Variants in DNM3 observed in about 807,000 individuals in gnomAD.
The protein encoded by DNM3 is dynamin-3.
In DNM3, 47 loss-of-function variants were observed where a neutral mutation model predicts 101.6. The observed-to-expected ratio is 0.46, with a 90% CI of 0.37 to 0.59. The LOEUF is 0.59. Ranked by LOEUF, DNM3 falls within the 20% of genes least tolerant of loss-of-function variation. The pLI is 0.00. For synonymous variants in DNM3, 385 were observed against 387.9 expected, an observed-to-expected ratio of 0.99 and a Z score of 0.09; for missense variants, 849 against 1,085.7, an observed-to-expected ratio of 0.78 and a Z score of 3.06.
chr1:171,889,141 G>A (rs56280004), intron 1 of DNM3, among the ~76,000 whole-genome samples: 3,382 of 151,936 alleles, frequency 0.022, 120 homozygotes, highest in African/African-American at 0.077. Context: ...CACCATGCCC[G>A]GCTAATTTTT....
chr1:171,858,944 A>G (rs2033895215), intron 1 of DNM3, among the ~76,000 whole-genome samples: 1 of 152,212 alleles, frequency 6.6e-6, no homozygotes, highest in Non-Finnish European at 1.5e-5. Flanking sequence ...CAATAGACTC[A>G]TAATACTTTC....
intron 13 of DNM3, among the ~76,000 whole-genome samples, chr1:172,127,845 T>G (rs555791714): frequency 6.6e-6 from 1 of 152,304 alleles, no homozygotes; most frequent in South Asian, 2.1e-4. Flanking sequence ...CTGTGACCTA[T>G]TCTGGTTTTA....
chr1:171,986,174 A>G (rs1276072837), intron 2 of DNM3, among the ~76,000 whole-genome samples: 1 of 151,926 alleles, frequency 6.6e-6, no homozygotes, highest in Non-Finnish European at 1.5e-5. Flanking sequence ...ACATGTAAAA[A>G]TCCTCCCTAC....
At chr1:172,057,902 G>A (rs199642770) in intron 10 of DNM3, among the ~76,000 whole-genome samples, 15,813 of 100,486 alleles carry the variant, frequency 0.16, 1,667 homozygotes, top group East Asian at 0.41. Context: ...AGACTGGCAA[G>A]TTGGATAAAG....
intron 4 of DNM3, among the ~76,000 whole-genome samples, chr1:172,030,248 C>G (rs570114098): frequency 7.2e-5 from 11 of 152,154 alleles, no homozygotes; most frequent in African/African-American, 2.6e-4. Flanking sequence ...TCAGAAATAA[C>G]GCCAGACATC....
chr1:172,233,780 C>T (rs983215441), intron 14 of DNM3, among the ~76,000 whole-genome samples: 11 of 151,840 alleles, frequency 7.2e-5, no homozygotes, highest in Middle Eastern at 3.2e-3. Context: ...ACAGAACCAA[C>T]GACAAAAACC....
chr1:172,025,456 G>A (rs1249343408), intron 4 of DNM3, among the ~76,000 whole-genome samples: 2 of 152,208 alleles, frequency 1.3e-5, no homozygotes, highest in Non-Finnish European at 2.9e-5. Context: ...GCTCTGCTAA[G>A]GGACAGAATG....
intron 2 of DNM3, among the ~76,000 whole-genome samples, chr1:171,934,774 A>G (rs1242280170): frequency 6.6e-6 from 1 of 152,176 alleles, no homozygotes; most frequent in Non-Finnish European, 1.5e-5. Context: ...CTTTGTCATA[A>G]CCCTAGAAAG....
intron 15 of DNM3, among the ~76,000 whole-genome samples, chr1:172,260,633 A>G (rs1156914979): frequency 6.6e-6 from 1 of 152,060 alleles, no homozygotes; most frequent in Non-Finnish European, 1.5e-5. Context: ...TATTTTGTAT[A>G]TTATTCAATG....
At chr1:172,245,871 A>G (rs1350481905) in intron 14 of DNM3, among the ~76,000 whole-genome samples, 2 of 152,140 alleles carry the variant, frequency 1.3e-5, no homozygotes, top group Non-Finnish European at 2.9e-5. Context: ...CCATTCTCAC[A>G]CTGCTATAAA....
At chr1:172,323,413 G>A (rs1222102209) in intron 17 of DNM3, 73 bp downstream of exon 17, 3 of 1,526,104 alleles carry the variant, frequency 2.0e-6, no homozygotes, top group South Asian at 1.2e-5. Context: ...CTTGACAAGA[G>A]TGTTCCTGTG....
intron 15 of DNM3, among the ~76,000 whole-genome samples, chr1:172,297,101 C>A (rs1219697175): frequency 6.7e-6 from 1 of 150,344 alleles, no homozygotes; most frequent in Admixed American, 6.6e-5. Flanking sequence ...CAAGATCATG[C>A]CACTGCACTC....
chr1:172,327,516 C>T (rs773346589), intron 17 of DNM3, among the ~76,000 whole-genome samples: 3 of 152,024 alleles, frequency 2.0e-5, no homozygotes, highest in Non-Finnish European at 4.4e-5. Context: ...TCTGATGATG[C>T]GTGTTATAAT....
chr1:172,071,019 G>A (rs1300588040), intron 11 of DNM3, among the ~76,000 whole-genome samples: 2 of 146,632 alleles, frequency 1.4e-5, no homozygotes, highest in Non-Finnish European at 3.0e-5. Flanking sequence ...GAGCCTGGGA[G>A]GTTGAGGCTG....
chr1:172,033,020 C>A (rs912014303), intron 5 of DNM3, 85 bp from the exon 6 acceptor site: 2 of 1,482,528 alleles, frequency 1.3e-6, no homozygotes, highest in African/African-American at 2.8e-5. Context: ...GCCTTTCTTA[C>A]TCTGCCTATG....
chr1:172,260,682 A>AT (rs1447235259), intron 15 of DNM3, among the ~76,000 whole-genome samples: 1 of 152,114 alleles, frequency 6.6e-6, no homozygotes, highest in Admixed American at 6.6e-5. Flanking sequence ...TTAAAAAATT[A>AT]TATCTCTTTG....
At position 172,301,874 on chromosome 1, in the gene DNM3, A is replaced by T. The variant is rs540117617; in HGVS notation, c.1770-6854A>T. Among the ~76,000 whole-genome samples the T allele has an allele frequency of 1.7e-4, 26 of 152,302 alleles. 1 individual carries two copies. The highest frequency in any genetic ancestry group is 3.4e-3 in the Middle Eastern group (1 of 294). ...AACCTCAACTATCTGAAAAATAGGTACAATGAAAGGGTATAAGAAAATAAG... is the reference window on the plus strand; with the variant it reads ...AACCTCAACTATCTGAAAAATAGGTTCAATGAAAGGGTATAAGAAAATAAG... On this transcript the variant is annotated intron_variant, in intron 15 of 20. Transcript: ENST00000627582.
chr1:172,234,810 A>G (rs2148623519), intron 14 of DNM3, among the ~76,000 whole-genome samples: 1 of 152,324 alleles, frequency 6.6e-6, no homozygotes, highest in South Asian at 2.1e-4. Flanking sequence ...TAGAAAGCTG[A>G]AACTGGATCC....
intron 13 of DNM3, among the ~76,000 whole-genome samples, chr1:172,093,133 A>G (rs1426295324): frequency 6.6e-6 from 1 of 152,140 alleles, no homozygotes; most frequent in African/African-American, 2.4e-5. Flanking sequence ...TTGACTCCTC[A>G]TGTCCTATTT....
Sources: gnomAD v4.1 joint callset for allele counts (sites outside exome capture counted in the v4.1 genomes callset) on GRCh38, gnomAD v4.1.1 for gene constraint, MANE v1.5 for transcripts, NCBI Gene and HGNC (gene_info 2026-07-23, HGNC 2026-07-21) for gene names.